KIF26B: variants seen among roughly 807,000 people sequenced by gnomAD.
KIF26B encodes kinesin family member 26B.
Under a neutral mutation model 151.2 loss-of-function variants are expected in KIF26B, and 63 were observed. The observed-to-expected ratio is 0.42, with a 90% CI of 0.34 to 0.51. The LOEUF (loss-of-function observed/expected upper bound fraction) is 0.51, where lower values mean the gene tolerates loss of function less well. Ranked by LOEUF, KIF26B falls within the 20% of genes least tolerant of loss-of-function variation. KIF26B has a pLI of 0.07. For missense variants in KIF26B, 2,813 were observed against 2,913.6 expected (o/e 0.97, Z 0.79); for synonymous variants, 1,357 against 1,262.1 (o/e 1.08, Z -1.59).
At chr1:245,228,451 A>C (rs1237784886) in intron 2 of KIF26B, among the ~76,000 whole-genome samples, 1 of 152,092 alleles carries the variant, frequency 6.6e-6, no homozygotes, top group East Asian at 1.9e-4. Flanking sequence ...CTGTAATCCC[A>C]GCTACTTGGG....
rs1553299290 is a variant in KIF26B, at chr1:245,640,122, G to GCGCTCTCTCTCTCTCTCTCTCTCTCTCT, written c.2099-5998_2099-5997insGCTCTCTCTCTCTCTCTCTCTCTCTCTC. Among the ~76,000 whole-genome samples, 7 of 53,980 alleles carry GCGCTCTCTCTCTCTCTCTCTCTCTCTCT rather than the reference G, an allele frequency of 1.3e-4. No homozygotes were observed. In the East Asian group the frequency reaches 4.4e-3, roughly 34 times the overall value. 35.4% of individuals were successfully genotyped at this position (53,980 alleles called of 152,430 possible). A position where few individuals can be genotyped will look rare whatever the true frequency, so the allele number is the denominator to read the frequency against. ...CTCCTGTTTAGATCTACTAATATTT[G>GCGCTCTCTCTCTCTCTCTCTCTCTCTCT]CTCTCTCTCTCTCTCTCTCTCTATA... On this transcript the variant is annotated intron_variant, in intron 9 of 14. Transcript: ENST00000407071.
chr1:245,300,259 G>A (rs1322479053), intron 2 of KIF26B, among the ~76,000 whole-genome samples: 1 of 152,130 alleles, frequency 6.6e-6, no homozygotes, highest in Admixed American at 6.5e-5. Context: ...ATTTTATTAA[G>A]ATTTCTTCAC....
intron 7 of KIF26B, 91 bp downstream of exon 7, chr1:245,607,835 C>A: frequency 1.0e-6 from 1 of 973,974 alleles, no homozygotes; most frequent in South Asian, 1.6e-5. Context: ...TCTCTGATGA[C>A]AGGAAGGGCT....
intron 3 of KIF26B, among the ~76,000 whole-genome samples, chr1:245,396,277 C>A (rs998121355): frequency 3.9e-5 from 6 of 152,118 alleles, no homozygotes; most frequent in Admixed American, 2.6e-4. Flanking sequence ...TGTTAAGGGG[C>A]AGTCATTTAA....
intron 5 of KIF26B, among the ~76,000 whole-genome samples, chr1:245,556,074 T>A (rs1454544041): frequency 6.6e-6 from 1 of 152,218 alleles, no homozygotes; most frequent in African/African-American, 2.4e-5. Flanking sequence ...TCCGGCTTGC[T>A]GGGGACACTG....
chr1:245,345,556 C>T (rs1374551277), intron 2 of KIF26B, among the ~76,000 whole-genome samples: 1 of 151,848 alleles, frequency 6.6e-6, no homozygotes. Context: ...TGTGTCCCTG[C>T]CCACATCTCA....
At chr1:245,286,591 T>C (rs1671167355) in intron 2 of KIF26B, among the ~76,000 whole-genome samples, 1 of 152,124 alleles carries the variant, frequency 6.6e-6, no homozygotes, top group Non-Finnish European at 1.5e-5. Context: ...AAATATTGAT[T>C]CTTAAGCCAC....
intron 6 of KIF26B, among the ~76,000 whole-genome samples, chr1:245,603,546 A>T (rs1016296049): frequency 6.6e-6 from 1 of 152,124 alleles, no homozygotes; most frequent in Non-Finnish European, 1.5e-5. Flanking sequence ...ATCATCCTAT[A>T]TCACACCATA....
At chr1:245,360,331 C>T (rs188050000) in intron 2 of KIF26B, among the ~76,000 whole-genome samples, 115 of 152,234 alleles carry the variant, frequency 7.6e-4, no homozygotes, top group African/African-American at 2.5e-3. Context: ...TTATCCTCAT[C>T]CCAACATTAT....
intron 3 of KIF26B, 34 bp from the exon 4 acceptor site, chr1:245,419,545 A>G (rs1158104420): frequency 1.9e-6 from 3 of 1,575,134 alleles, no homozygotes; most frequent in Non-Finnish European, 1.7e-6. Flanking sequence ...AGTGAGCCAC[A>G]GGTAATGAGC....
In KIF26B at chr1:245,472,191, A is replaced by C. The variant is rs202053880; in HGVS notation, c.1166+52446A>C. On this transcript the variant is annotated intron_variant, in intron 4 of 14. Coordinates refer to ENST00000407071, the MANE Select transcript of KIF26B (RefSeq NM_018012.4). ...GGGAACCAGCCAGGCAAAGATCTAGAGGGAGAGCACCAGGCCTGTCTCCAC... is the reference window on the plus strand; with the variant it reads ...GGGAACCAGCCAGGCAAAGATCTAGCGGGAGAGCACCAGGCCTGTCTCCAC... 1.6e-4 allele frequency among the ~76,000 whole-genome samples: 24 copies of C among 152,352 alleles called. No homozygotes were observed. In the East Asian group the frequency reaches 4.4e-3, roughly 28 times the overall value.
At chr1:245,635,625 A>ATTTTTTTTCCTTTCTGCTAT (rs1432848972) in intron 9 of KIF26B, among the ~76,000 whole-genome samples, 2 of 149,064 alleles carry the variant, frequency 1.3e-5, no homozygotes, top group Non-Finnish European at 1.5e-5. Context: ...GATTTCTGCT[A>ATTTTTTTTCCTTTCTGCTAT]TTTTTTTTCC....
chr1:245,503,977 CA>C (rs1327838528), intron 4 of KIF26B, among the ~76,000 whole-genome samples: 3 of 152,150 alleles, frequency 2.0e-5, no homozygotes, highest in African/African-American at 7.2e-5. Flanking sequence ...GCAGCCAGCA[CA>C]AGGGTTTCCT....
chr1:245,562,565 C>A lies in KIF26B; in HGVS notation c.1350+21615C>A, dbSNP rs372060240. ...ATGTGTTAACAGTTACTGAATCTAC[C>A]TGTCCGCACGTGGCCAAGCCCCGCC... is the stretch of plus-strand genomic sequence containing the variant. On this transcript the variant is annotated intron_variant, in intron 5 of 14. Coordinates refer to ENST00000407071, the MANE Select transcript of KIF26B (RefSeq NM_018012.4). Among the ~76,000 whole-genome samples the A allele has an allele frequency of 1.2e-3, 178 of 151,988 alleles. 2 individuals carry two copies. In the South Asian group the frequency reaches 0.03, roughly 25 times the overall value.
In KIF26B at chr1:245,640,153, A is replaced by C. The variant is rs1238834344; in HGVS notation, c.2099-5968A>C. The stretch of plus-strand genomic sequence containing the variant: ...TCTCTCTCTCTCTCTCTATATATAT[A>C]TATATATACCCTGCTATTTGGTTAT... On this transcript the variant is annotated intron_variant, in intron 9 of 14. Transcript: ENST00000407071. Among the ~76,000 whole-genome samples, 106 of 22,604 alleles carry C rather than the reference A, an allele frequency of 4.7e-3. 6 individuals carry two copies. The highest frequency in any genetic ancestry group is 0.015 in the Middle Eastern group (1 of 68). The allele number at this position is 22,604 out of a possible 152,430, so 14.8% of individuals were successfully genotyped here.
chr1:245,169,328 G>GGTGTGTGGGTGTGTGTGTGTGTGTGTGT, intron 2 of KIF26B, among the ~76,000 whole-genome samples: 1 of 134,178 alleles, frequency 7.5e-6, no homozygotes, highest in Non-Finnish European at 1.6e-5. Flanking sequence ...AACGGGCCAT[G>GGTGTGTGGGTGTGTGTGTGTGTGTGTGT]GTGTGTGTGT....
chr1:245,600,271 C>T (rs1468758480), intron 5 of KIF26B, among the ~76,000 whole-genome samples: 1 of 132,904 alleles, frequency 7.5e-6, no homozygotes, highest in African/African-American at 2.7e-5. Flanking sequence ...ATCTCCTGAC[C>T]TTGTGATCCG....
At position 245,684,226 on chromosome 1, in the gene KIF26B, T is replaced by C. The variant is rs779925770; in HGVS notation, c.2259-7T>C. On this transcript the variant is annotated splice_region_variant and splice_polypyrimidine_tract_variant and intron_variant, in intron 10 of 14. Transcript: ENST00000407071. ...GCTAATGCAGCCTAATTCACTTTGT[T>C]TGGCAGAGAGAGCAAGCTCGCCATG... 13 of 1,610,822 alleles carry C rather than the reference T, an allele frequency of 8.1e-6. No individual in the cohort carries two copies. In the South Asian group the frequency reaches 1.4e-4, roughly 18 times the overall value.
At chr1:245,695,196 C>A (rs1363060853) in intron 12 of KIF26B, among the ~76,000 whole-genome samples, 6 of 152,150 alleles carry the variant, frequency 3.9e-5, no homozygotes, top group Non-Finnish European at 8.8e-5. Flanking sequence ...TTATATGGGG[C>A]CCCAGACCAG....
Sources: allele counts gnomAD v4.1 joint callset (sites outside exome capture counted in the v4.1 genomes callset), GRCh38; gene constraint gnomAD v4.1.1; transcripts MANE v1.5; gene names NCBI Gene and HGNC (gene_info 2026-07-23, HGNC 2026-07-21).